Variants in SNED1 observed in about 807,000 individuals in gnomAD.
SNED1 encodes the protein sushi, nidogen and EGF like domains 1.
In SNED1, 81 loss-of-function variants were observed where a neutral mutation model predicts 166.7. The observed-to-expected ratio is 0.49, with a 90% CI of 0.41 to 0.58. The LOEUF is 0.58. Ranked by LOEUF, SNED1 falls within the 20% of genes least tolerant of loss-of-function variation. SNED1 has a pLI of 0.00. For missense variants in SNED1, 1,604 were observed against 2,000.2 expected (o/e 0.80, Z 3.78); for synonymous variants, 762 against 822.0 (o/e 0.93, Z 1.25).
intron 28 of SNED1, 118 bp from the exon 29 acceptor site, chr2:241,082,159 G>A (rs1447971892): frequency 5.4e-5 from 41 of 758,002 alleles, no homozygotes; most frequent in East Asian, 3.8e-4. Flanking sequence ...CCACCATCCC[G>A]CCTTGGAGGA....
At chr2:241,050,123 G>A in intron 12 of SNED1, 190 bp downstream of exon 12, 1 of 647,654 alleles carries the variant, frequency 1.5e-6, no homozygotes, top group South Asian at 1.7e-5. Flanking sequence ...GTTCTGATCT[G>A]CACCAGTGCC....
At chr2:241,039,660 C>A (rs2061467158) in intron 6 of SNED1, among the ~76,000 whole-genome samples, 1 of 152,128 alleles carries the variant, frequency 6.6e-6, no homozygotes, top group South Asian at 2.1e-4. Flanking sequence ...GCCCCAGGGG[C>A]CACTCCTACA....
chr2:241,026,812 C>T (rs2060985471), intron 1 of SNED1, among the ~76,000 whole-genome samples: 2 of 152,172 alleles, frequency 1.3e-5, no homozygotes, highest in African/African-American at 4.8e-5. Context: ...AGTACATTCA[C>T]ATTATTGTGT....
chr2:241,024,235 C>CGTT lies in SNED1; in HGVS notation c.214-6049_214-6048insGTT, dbSNP rs2060867195. 6.4e-5 allele frequency among the ~76,000 whole-genome samples: 3 copies of CGTT among 46,940 alleles called. No individual in the cohort carries two copies. In the East Asian group the frequency reaches 1.7e-3, roughly 27 times the overall value. The allele number at this position is 46,940 out of a possible 152,430, so 30.8% of individuals were successfully genotyped here. On this transcript the variant is annotated intron_variant, in intron 1 of 31. Coordinates refer to ENST00000310397, the MANE Select transcript of SNED1 (RefSeq NM_001080437.3). ...GTGTAGTTGTATTTCACTCTACTAC[C>CGTT]TTTTTTTTTTTTTTTTTTTTTTTTT...
At chr2:241,077,228 T>C (rs570820567) in intron 27 of SNED1, among the ~76,000 whole-genome samples, 45 of 152,296 alleles carry the variant, frequency 3.0e-4, no homozygotes, top group African/African-American at 9.6e-4. Flanking sequence ...GCAAAAAGAA[T>C]GAGGCCGGAG....
intron 8 of SNED1, among the ~76,000 whole-genome samples, chr2:241,046,728 G>T (rs1300916948): frequency 6.6e-6 from 1 of 152,080 alleles, no homozygotes; most frequent in Non-Finnish European, 1.5e-5. Flanking sequence ...CTGTGGTGGG[G>T]GTTAAACAAA....
At position 241,052,756 on chromosome 2, in the gene SNED1, G is replaced by A. The variant is rs866511669; in HGVS notation, c.2083+288G>A. Among the ~76,000 whole-genome samples the A allele has an allele frequency of 3.1e-5, 2 of 64,376 alleles. 1 individual carries two copies. The highest frequency in any genetic ancestry group is 1.2e-3 in the South Asian group (2 of 1,738). The allele number at this position is 64,376 out of a possible 152,430, so 42.2% of individuals were successfully genotyped here. On this transcript the variant is annotated intron_variant, in intron 15 of 31. Transcript: ENST00000310397. Reference sequence around the variant, plus strand: ...GCCAGGCAGGTGAGAGGGCCGGGGGGCCAAGCAGGGTACATGGGATGCTGG... The same window carrying A: ...GCCAGGCAGGTGAGAGGGCCGGGGGACCAAGCAGGGTACATGGGATGCTGG...
At position 241,026,296 on chromosome 2, in the gene SNED1, G is replaced by A. The variant is rs527646413; in HGVS notation, c.214-3988G>A. 4.9e-4 allele frequency among the ~76,000 whole-genome samples: 75 copies of A among 152,268 alleles called. 1 individual carries two copies. The South Asian group carries it at 0.015, about 30-fold the overall frequency. On this transcript the variant is annotated intron_variant, in intron 1 of 31. Transcript: ENST00000310397. ...CTCCCAAAGTGCTGGGATTATAGGC[G>A]TGAGCCACTGCGCCCAGCCTGTTTT...
upstream of SNED1, among the ~76,000 whole-genome samples, chr2:240,998,295 C>T (rs2059972427): frequency 1.3e-5 from 2 of 152,358 alleles, no homozygotes; most frequent in South Asian, 2.1e-4. Flanking sequence ...GCCAGGGTCC[C>T]CTCCCGCCCC....
Position 241,051,587 on chromosome 2 carries a change from T to C in SNED1, c.1736-157T>C. On this transcript the variant is annotated intron_variant, in intron 12 of 31. Transcript: ENST00000310397. The surrounding 1 kb of genome is among the most constrained non-coding windows in gnomAD (Gnocchi z 4.7). ...GCCCCACCCCAGCCCCCACCATGTG[T>C]GCGGACCTGCTTGGCCCCTGCTGCA... 1.8e-6 allele frequency: 1 copy of C among 560,132 alleles called. No individual in the cohort carries two copies. The allele number at this position is 560,132 out of a possible 1,614,324, so 34.7% of individuals were successfully genotyped here. A position where few individuals can be genotyped will look rare whatever the true frequency, so the allele number is the denominator to read the frequency against.
At position 241,055,624 on chromosome 2, in the gene SNED1, T is replaced by C. The variant is rs139606661; in HGVS notation, c.2257+2298T>C. On this transcript the variant is annotated intron_variant, in intron 16 of 31. Coordinates refer to ENST00000310397, the MANE Select transcript of SNED1 (RefSeq NM_001080437.3). ...CAGAGAAGTTGAGGCTGTTGGCTGC[T>C]TTCATCCTCCAGCCAAATTTGTCAT... 8.0e-3 allele frequency among the ~76,000 whole-genome samples: 1,226 copies of C among 152,324 alleles called. 17 individuals are homozygous for C. The highest frequency in any genetic ancestry group is 0.027 in the African/African-American group (1,130 of 41,562).
At chr2:241,050,759 C>G (rs144839012) in intron 12 of SNED1, among the ~76,000 whole-genome samples, 20 of 152,322 alleles carry the variant, frequency 1.3e-4, no homozygotes, top group African/African-American at 4.8e-4. Flanking sequence ...CTTCATGGGC[C>G]CTGCCCAGAG....
At chr2:241,076,887 C>T (rs992970159) in intron 27 of SNED1, among the ~76,000 whole-genome samples, 19 of 152,206 alleles carry the variant, frequency 1.2e-4, no homozygotes, top group African/African-American at 4.6e-4. Context: ...GTCAGGAGAT[C>T]GAGACCATGG....
chr2:241,021,479 A>T (rs1342636106), intron 1 of SNED1, among the ~76,000 whole-genome samples: 1 of 152,146 alleles, frequency 6.6e-6, no homozygotes, highest in African/African-American at 2.4e-5. Flanking sequence ...AGACAGTCAC[A>T]ATCTATGTTC....
intron 6 of SNED1, among the ~76,000 whole-genome samples, chr2:241,039,403 T>G (rs975931241): frequency 2.0e-5 from 3 of 152,186 alleles, no homozygotes; most frequent in Admixed American, 6.5e-5. Flanking sequence ...GAGTTTGTTC[T>G]GGGTATGAGC....
At chr2:241,076,466 A>G (rs948798996) in intron 27 of SNED1, among the ~76,000 whole-genome samples, 1 of 152,210 alleles carries the variant, frequency 6.6e-6, no homozygotes, top group Non-Finnish European at 1.5e-5. Flanking sequence ...ACCTTTGCAT[A>G]CTGACCTTAT....
chr2:241,017,641 A>G (rs1452411760), intron 1 of SNED1, among the ~76,000 whole-genome samples: 1 of 152,224 alleles, frequency 6.6e-6, no homozygotes, highest in East Asian at 1.9e-4. Context: ...CCAAACTCAA[A>G]TGTTCATACC....
At chr2:241,078,068 C>A (rs561724304) in intron 27 of SNED1, among the ~76,000 whole-genome samples, 16 of 152,232 alleles carry the variant, frequency 1.1e-4, no homozygotes, top group Non-Finnish European at 2.4e-4. Flanking sequence ...AAGTAGAAAC[C>A]ACCAAAGTGT....
chr2:241,084,117 T>C (rs1457802800), intron 29 of SNED1, among the ~76,000 whole-genome samples: 2 of 150,356 alleles, frequency 1.3e-5, no homozygotes, highest in African/African-American at 2.5e-5. Context: ...GAGTTCAATA[T>C]GATGGCAGCG....
Sources: gnomAD v4.1 joint callset for allele counts (sites outside exome capture counted in the v4.1 genomes callset) on GRCh38, gnomAD v4.1.1 for gene constraint, Gnocchi (gnomAD v3.1) non-coding constraint, MANE v1.5 for transcripts, NCBI Gene and HGNC (gene_info 2026-07-23, HGNC 2026-07-21) for gene names.